ROBO1: variants seen among roughly 807,000 people sequenced by gnomAD.
The protein encoded by ROBO1 is roundabout guidance receptor 1, also known as roundabout homolog 1.
In ROBO1, 149 loss-of-function variants were observed where a neutral mutation model predicts 195.9. That is an observed-to-expected ratio of 0.76 (90% CI 0.67 to 0.87). ROBO1 has a LOEUF of 0.87. ROBO1 is among the 40% of genes least tolerant of loss of function. The pLI is 0.00. For missense variants in ROBO1, 1,933 were observed against 2,068.3 expected, an observed-to-expected ratio of 0.93 and a Z score of 1.27; for synonymous variants, 816 against 733.2, an observed-to-expected ratio of 1.11 and a Z score of -1.82.
At chr3:78,627,663 A>G (rs1704900525) in intron 25 of ROBO1, 94 bp from the exon 26 acceptor site, 2 of 1,332,180 alleles carry the variant, frequency 1.5e-6, no homozygotes, top group East Asian at 4.9e-5. Flanking sequence ...ATTGTTTTTC[A>G]AATCTGAACG....
chr3:79,111,760 T>C (rs1004170523), intron 3 of ROBO1, among the ~76,000 whole-genome samples: 3 of 152,176 alleles, frequency 2.0e-5, no homozygotes, highest in Non-Finnish European at 2.9e-5. Flanking sequence ...TTGCATTTAA[T>C]GGAGATACTG....
chr3:78,649,704 T>C (rs1408541366), intron 19 of ROBO1, among the ~76,000 whole-genome samples: 2 of 152,210 alleles, frequency 1.3e-5, no homozygotes, highest in East Asian at 3.9e-4. Context: ...CAGGACAAAG[T>C]GAAGAAAGCA....
intron 1 of ROBO1, among the ~76,000 whole-genome samples, chr3:79,629,419 A>T (rs573720761): frequency 6.6e-6 from 1 of 152,122 alleles, no homozygotes; most frequent in Admixed American, 6.6e-5. Context: ...AAATAAAAAA[A>T]TTAAGGCAAA....
At chr3:78,650,746 C>T (rs866375705) in intron 19 of ROBO1, among the ~76,000 whole-genome samples, 2 of 152,132 alleles carry the variant, frequency 1.3e-5, no homozygotes, top group Non-Finnish European at 2.9e-5. Context: ...CTGTTGCATT[C>T]GACTGAAGGA....
intron 2 of ROBO1, among the ~76,000 whole-genome samples, chr3:79,225,941 C>T (rs2082220358): frequency 6.6e-6 from 1 of 152,074 alleles, no homozygotes; most frequent in Non-Finnish European, 1.5e-5. Context: ...CCATCTCAAC[C>T]CTCAGTCAAG....
chr3:79,147,690 G>T (rs1385470689), intron 2 of ROBO1, among the ~76,000 whole-genome samples: 3 of 151,930 alleles, frequency 2.0e-5, no homozygotes, highest in Non-Finnish European at 4.4e-5. Flanking sequence ...ATACACAGTG[G>T]GTGAGATAGT....
At chr3:79,005,001 G>T (rs1224433447) in intron 3 of ROBO1, among the ~76,000 whole-genome samples, 1 of 152,206 alleles carries the variant, frequency 6.6e-6, no homozygotes, top group Non-Finnish European at 1.5e-5. Flanking sequence ...AAAGGCTGCA[G>T]TTATCATCTA....
chr3:79,746,625 C>A (rs1247464523), intron 1 of ROBO1, among the ~76,000 whole-genome samples: 3 of 152,016 alleles, frequency 2.0e-5, no homozygotes, highest in Non-Finnish European at 4.4e-5. Flanking sequence ...TTCTATTCCA[C>A]AAAGTAATGA....
intron 2 of ROBO1, among the ~76,000 whole-genome samples, chr3:79,532,541 G>C (rs977197426): frequency 6.6e-6 from 1 of 152,128 alleles, no homozygotes; most frequent in African/African-American, 2.4e-5. Flanking sequence ...TAGTCAATCT[G>C]AATCCAGAAT....
At chr3:79,006,994 T>C (rs2077639378) in intron 3 of ROBO1, among the ~76,000 whole-genome samples, 1 of 152,120 alleles carries the variant, frequency 6.6e-6, no homozygotes, top group South Asian at 2.1e-4. Flanking sequence ...TTTACATTTT[T>C]AAATAAACAG....
At chr3:78,722,186 A>G (rs1051408197) in intron 5 of ROBO1, among the ~76,000 whole-genome samples, 1 of 152,188 alleles carries the variant, frequency 6.6e-6, no homozygotes, top group Non-Finnish European at 1.5e-5. Flanking sequence ...GGTATTGAAT[A>G]TAGATAGAAA....
At chr3:79,632,390 C>G (rs1483416623) in intron 1 of ROBO1, among the ~76,000 whole-genome samples, 2 of 151,986 alleles carry the variant, frequency 1.3e-5, no homozygotes, top group African/African-American at 4.8e-5. Context: ...AAATCAAATA[C>G]CACATATACT....
intron 2 of ROBO1, among the ~76,000 whole-genome samples, chr3:79,366,412 C>A (rs552190550): frequency 6.6e-6 from 1 of 152,240 alleles, no homozygotes; most frequent in East Asian, 1.9e-4. Flanking sequence ...AAGAAATGTA[C>A]TCTTCACCTC....
intron 1 of ROBO1, among the ~76,000 whole-genome samples, chr3:79,740,700 C>T (rs1315887875): frequency 2.6e-5 from 4 of 152,022 alleles, no homozygotes; most frequent in African/African-American, 4.8e-5. Flanking sequence ...CTGATCCTGC[C>T]GTTGACATGT....
chr3:78,932,316 G>T (rs750181174), intron 4 of ROBO1, among the ~76,000 whole-genome samples: 1 of 152,138 alleles, frequency 6.6e-6, no homozygotes, highest in Admixed American at 6.5e-5. Flanking sequence ...TATTCTGGAC[G>T]TCTCAAGAGG....
intron 25 of ROBO1, among the ~76,000 whole-genome samples, chr3:78,628,120 A>T (rs1704933979): frequency 6.6e-6 from 1 of 151,942 alleles, no homozygotes; most frequent in South Asian, 2.1e-4. Flanking sequence ...TGCCCAGTTA[A>T]TTTTTGTATT....
intron 3 of ROBO1, among the ~76,000 whole-genome samples, chr3:79,042,714 A>T (rs965876061): frequency 6.6e-6 from 1 of 152,162 alleles, no homozygotes; most frequent in Non-Finnish European, 1.5e-5. Context: ...CTTTAGGTAA[A>T]TATGCATTAA....
chr3:79,025,894 T>C (rs2078194416), intron 3 of ROBO1, among the ~76,000 whole-genome samples: 1 of 152,150 alleles, frequency 6.6e-6, no homozygotes, highest in Non-Finnish European at 1.5e-5. Flanking sequence ...AGTTAGTGGT[T>C]GACTCGTGAC....
At position 79,014,216 on chromosome 3, in the gene ROBO1, T is replaced by C. The variant is rs554191037; in HGVS notation, c.173-75289A>G. On this transcript the variant is annotated intron_variant, in intron 3 of 30. Transcript: ENST00000464233. ...CGGGCACACTGGTTCATCCCTGTAA[T>C]CCCAGCACTTTGGGAGGCCGAAGCA... 2.6e-4 allele frequency among the ~76,000 whole-genome samples: 40 copies of C among 152,278 alleles called. 1 individual carries two copies. In the East Asian group the frequency reaches 7.5e-3, roughly 29 times the overall value.
Sources: allele counts gnomAD v4.1 joint callset (sites outside exome capture counted in the v4.1 genomes callset), GRCh38; gene constraint gnomAD v4.1.1; transcripts MANE v1.5; gene names NCBI Gene and HGNC (gene_info 2026-07-23, HGNC 2026-07-21).